The following ARID1B variants were observed in gnomAD, a reference collection of about 807,000 sequenced individuals.
The protein encoded by ARID1B is AT-rich interactive domain-containing protein 1B.
In ARID1B, 30 loss-of-function variants were observed where a neutral mutation model predicts 212.3. The ratio of observed to expected loss-of-function variants is 0.14; its 90% CI spans 0.11 to 0.19. ARID1B has a LOEUF of 0.19. Ranked by LOEUF, ARID1B falls within the 10% of genes least tolerant of loss-of-function variation. The probability of loss-of-function intolerance (pLI) is 1.00; values close to 1 mark genes in which losing one functional copy is unlikely to be tolerated. For synonymous variants in ARID1B, 1,402 were observed against 1,301.7 expected, an observed-to-expected ratio of 1.08 and a Z score of -1.66; for missense variants, 2,891 against 3,204.0, an observed-to-expected ratio of 0.90 and a Z score of 2.36.
chr6:157,004,897 CT>C (rs1177807875), intron 4 of ARID1B, among the ~76,000 whole-genome samples: 20,355 of 54,978 alleles, frequency 0.37, 2,515 homozygotes, highest in South Asian at 0.54. Context: ...CTTCTTTTTT[CT>C]TTTTTTTTTT....
At chr6:157,130,807 G>T (rs1485255840) in intron 6 of ARID1B, among the ~76,000 whole-genome samples, 1 of 152,124 alleles carries the variant, frequency 6.6e-6, no homozygotes, top group African/African-American at 2.4e-5. Flanking sequence ...ACTGCTTTAG[G>T]TTCTCCTGAA....
chr6:156,794,570 CTTTTTTTTTTTTTT>C (rs34848808), intron 1 of ARID1B, among the ~76,000 whole-genome samples: 4 of 67,978 alleles, frequency 5.9e-5, no homozygotes, highest in African/African-American at 2.1e-4. Context: ...CTGGCACATT[CTTTTTTTTTTTTTT>C]TTTTTTTTTT....
intron 2 of ARID1B, among the ~76,000 whole-genome samples, chr6:156,895,881 G>C (rs1490185932): frequency 6.6e-6 from 1 of 152,148 alleles, no homozygotes; most frequent in African/African-American, 2.4e-5. Flanking sequence ...TCTTTTCAAT[G>C]CACGTTTCTA....
chr6:156,994,273 T>C (rs942970555), intron 4 of ARID1B, among the ~76,000 whole-genome samples: 4 of 152,236 alleles, frequency 2.6e-5, no homozygotes, highest in Admixed American at 2.0e-4. Flanking sequence ...CTGCGTTCTC[T>C]TTCAATAACA....
intron 4 of ARID1B, among the ~76,000 whole-genome samples, chr6:156,983,100 AAAAAAAAG>A (rs955936911): frequency 1.3e-5 from 2 of 151,622 alleles, no homozygotes; most frequent in Non-Finnish European, 2.9e-5. Context: ...GTCTCAAAAA[AAAAAAAAG>A]AAAAAAAAGA....
chr6:157,135,003 C>A (rs1788816293), intron 7 of ARID1B, among the ~76,000 whole-genome samples: 1 of 151,756 alleles, frequency 6.6e-6, no homozygotes, highest in South Asian at 2.1e-4. Flanking sequence ...GAGCCTTGGG[C>A]TATCTAGTAA....
At chr6:157,187,764 A>T (rs1793075248) in intron 13 of ARID1B, among the ~76,000 whole-genome samples, 2 of 145,120 alleles carry the variant, frequency 1.4e-5, no homozygotes, top group South Asian at 4.3e-4. Flanking sequence ...AAAGGAAAGG[A>T]AAAAAAAAAC....
intron 4 of ARID1B, among the ~76,000 whole-genome samples, chr6:157,054,832 C>T (rs137927378): frequency 2.7e-4 from 41 of 152,330 alleles, no homozygotes; most frequent in African/African-American, 4.3e-4. Flanking sequence ...TGTCTATTCA[C>T]GTGTACCTCC....
chr6:157,051,438 T>C (rs1381920216), intron 4 of ARID1B, among the ~76,000 whole-genome samples: 1 of 152,122 alleles, frequency 6.6e-6, no homozygotes, highest in African/African-American at 2.4e-5. Flanking sequence ...AAATAATAAT[T>C]GGAATAAGAA....
Position 156,778,580 on chromosome 6 carries a change from G to T in ARID1B, c.900G>T (p.Val300=). Residue 300 remains valine (V), a synonymous_variant, in exon 1 of 20, where the codon GTG becomes GTT. Transcript: ENST00000636930. ...GCACGCAGCAGCCGCCGGTCGCCGT[G>T]CCCGGGGGCGGCGGCGGCCCGGCGG... ...ALGTQQPPVA[V]PGGGGGPAAV... is the part of the protein sequence containing the mutation. The T allele has an allele frequency of 1.6e-6, 2 of 1,261,048 alleles. No homozygotes were observed. The highest frequency in any genetic ancestry group is 1.6e-5 in the African/African-American group (1 of 63,640). 78.1% of individuals were successfully genotyped at this position (1,261,048 alleles called of 1,614,324 possible).
intron 7 of ARID1B, among the ~76,000 whole-genome samples, chr6:157,145,232 A>G (rs1485445609): frequency 6.6e-6 from 1 of 152,130 alleles, no homozygotes; most frequent in South Asian, 2.1e-4. Context: ...TTGTCCCAAG[A>G]CCGGTCTGTA....
chr6:156,816,535 G>A (rs1158842023), intron 1 of ARID1B, among the ~76,000 whole-genome samples: 1 of 152,230 alleles, frequency 6.6e-6, no homozygotes, highest in Non-Finnish European at 1.5e-5. Context: ...TAAACAATGA[G>A]TTGCAGTTGA....
intron 2 of ARID1B, among the ~76,000 whole-genome samples, chr6:156,836,942 G>T (rs1036405256): frequency 6.6e-6 from 1 of 152,174 alleles, no homozygotes; most frequent in Non-Finnish European, 1.5e-5. Context: ...AGGATTACAG[G>T]CATGAGCCAC....
intron 8 of ARID1B, among the ~76,000 whole-genome samples, chr6:157,158,787 T>G (rs776104428): frequency 1.3e-5 from 2 of 152,218 alleles, no homozygotes; most frequent in Non-Finnish European, 2.9e-5. Context: ...TGAGAAGTAA[T>G]AGCCCTCCTT....
At chr6:156,783,004 T>C (rs1259302144) in intron 1 of ARID1B, among the ~76,000 whole-genome samples, 1 of 152,016 alleles carries the variant, frequency 6.6e-6, no homozygotes, top group Non-Finnish European at 1.5e-5. Flanking sequence ...GTAGCCACTC[T>C]TTAAGACAGC....
At chr6:156,864,160 C>T (rs1489794003) in intron 2 of ARID1B, among the ~76,000 whole-genome samples, 2 of 152,102 alleles carry the variant, frequency 1.3e-5, no homozygotes, top group African/African-American at 2.4e-5. Context: ...TAATCTTCTC[C>T]CTCATAGCAA....
intron 4 of ARID1B, among the ~76,000 whole-genome samples, chr6:156,945,153 T>C (rs1001917531): frequency 2.0e-5 from 3 of 146,898 alleles, no homozygotes; most frequent in Non-Finnish European, 3.0e-5. Context: ...GCCAGGATGG[T>C]CTTGATCTCC....
Position 157,076,064 on chromosome 6 carries a change from T to C in ARID1B, c.2248-8598T>C, listed in dbSNP as rs1385639174. Among the ~76,000 whole-genome samples the C allele has an allele frequency of 4.6e-5, 7 of 152,356 alleles. No homozygotes were observed. The East Asian group carries it at 1.2e-3, about 25-fold the overall frequency. On this transcript the variant is annotated intron_variant, in intron 4 of 19. Transcript: ENST00000636930. ...TGTGCCATGTTATGTGAAATGTTGCTGTTAGGGAAACCGGATGAAGGATGT... is the reference window on the plus strand; with the variant it reads ...TGTGCCATGTTATGTGAAATGTTGCCGTTAGGGAAACCGGATGAAGGATGT...
Position 156,777,702 on chromosome 6 carries a change from G to C in ARID1B, c.22G>C (p.Ala8Pro), listed in dbSNP as rs1397938107. MAARAAA[A>P]AAAAAARARA... The stretch of plus-strand genomic sequence containing the variant: ...GATCATGGCCGCGCGGGCAGCAGCG[G>C]CGGCGGCGGCGGCGGCGGCGCGGGC... Residue 8 changes from alanine to proline, a missense_variant, in exon 1 of 20, where the codon GCG becomes CCG. Physicochemically the swap from Ala to Pro is conservative, Grantham distance 27 (BLOSUM62 -1). Transcript: ENST00000636930. 6.7e-6 allele frequency: 1 copy of C among 148,486 alleles called. No individual in the cohort carries two copies. Among genetic ancestry groups the C allele is most frequent in the African/African-American group, 2.5e-5 (1 of 40,594 alleles). The allele number at this position is 148,486 out of a possible 1,614,324, so 9.2% of individuals were successfully genotyped here. A position where few individuals can be genotyped will look rare whatever the true frequency, so the allele number is the denominator to read the frequency against.
Sources: gnomAD v4.1 joint callset for allele counts (sites outside exome capture counted in the v4.1 genomes callset) on GRCh38, gnomAD v4.1.1 for gene constraint, MANE v1.5 for transcripts, NCBI Gene and HGNC (gene_info 2026-07-23, HGNC 2026-07-21) for gene names.